Variants in CYB5R2 observed in about 807,000 individuals in gnomAD.
CYB5R2 encodes NADH-cytochrome b5 reductase 2.
CYB5R2 carries 35 observed loss-of-function variants against 29.8 expected under a neutral mutation model. The observed-to-expected ratio is 1.17, with a 90% confidence interval of 0.90 to 1.56. The LOEUF (loss-of-function observed/expected upper bound fraction) is 1.56. Ranked by LOEUF, CYB5R2 falls within the 40% of genes most tolerant of loss-of-function variation. The pLI is 0.00. For missense variants in CYB5R2, 419 were observed against 346.7 expected (o/e 1.21, Z -1.66); for synonymous variants, 169 against 130.6 (o/e 1.29, Z -2.01).
intron 6 of CYB5R2, among the ~76,000 whole-genome samples, 192 bp from the exon 7 acceptor site, chr11:7,668,005 T>C (rs1855436253): frequency 6.6e-6 from 1 of 152,246 alleles, no homozygotes; most frequent in Non-Finnish European, 1.5e-5. Flanking sequence ...AGGTAGTCTT[T>C]CTCATTTTCA....
At chr11:7,669,368 C>T (rs751552393) in intron 4 of CYB5R2, 34 bp from the exon 5 acceptor site, 2 of 1,587,456 alleles carry the variant, frequency 1.3e-6, no homozygotes, top group Non-Finnish European at 1.7e-6. Context: ...TTCACATTCC[C>T]AGACACAATG....
At chr11:7,665,608 C>G in intron 8 of CYB5R2, 62 bp from the exon 9 acceptor site, 1 of 1,507,792 alleles carries the variant, frequency 6.6e-7, no homozygotes, top group East Asian at 2.3e-5. Context: ...TGATCCCAGG[C>G]CGCCTGCACA....
chr11:7,673,155 C>T (rs567518761), intron 1 of CYB5R2: 11 of 409,376 alleles, frequency 2.7e-5, no homozygotes, highest in Admixed American at 1.5e-4. Context: ...CTGGGGTGCT[C>T]AGGTCACTAG....
intron 1 of CYB5R2, chr11:7,673,101 C>T (rs1855861878): frequency 2.0e-6 from 1 of 497,348 alleles, no homozygotes; most frequent in Non-Finnish European, 3.6e-6. Flanking sequence ...GCAGGTCACA[C>T]AGGAAGGATG....
Position 7,669,736 on chromosome 11 carries a change from A to G in CYB5R2, c.152-5T>C. ...CCAAGAGCTGGACATAGTTACCTAT[A>G]GAAAAGGCATCAAGCACTGAGTCAA... On this transcript the variant is annotated splice_region_variant and splice_polypyrimidine_tract_variant and intron_variant, in intron 3 of 8. Transcript: ENST00000299498. 3 of 1,605,368 alleles carry G rather than the reference A, an allele frequency of 1.9e-6. No homozygotes were observed. The highest frequency in any genetic ancestry group is 2.6e-6 in the Non-Finnish European group (3 of 1,171,952).
At position 7,666,052 on chromosome 11, in the gene CYB5R2, C is replaced by T. The variant is rs569708715; in HGVS notation, c.658+399G>A. The stretch of plus-strand genomic sequence containing the variant: ...GGGCTGCAGCAGCTGTCTGGGGGCT[C>T]AGCATGTCCAGGTGAGGTGGGCGGT... On this transcript the variant is annotated intron_variant, in intron 8 of 8. Coordinates refer to ENST00000299498, the MANE Select transcript of CYB5R2 (RefSeq NM_016229.5). The T allele has an allele frequency of 9.3e-6, 7 of 750,334 alleles. No individual in the cohort carries two copies. In the Admixed American group the frequency reaches 1.0e-4, roughly 11 times the overall value. 46.5% of individuals were successfully genotyped at this position (750,334 alleles called of 1,614,324 possible).
At chr11:7,668,927 G>GTATT (rs1855539210) in intron 5 of CYB5R2, 1 of 607,276 alleles carries the variant, frequency 1.6e-6, no homozygotes, top group East Asian at 3.0e-5. Flanking sequence ...CCATTTTTCA[G>GTATT]TATTAGCAGG....
At chr11:7,669,504 A>G (rs184836186) in intron 4 of CYB5R2, 121 bp downstream of exon 4, 21 of 1,204,298 alleles carry the variant, frequency 1.7e-5, no homozygotes, top group Non-Finnish European at 2.3e-5. Flanking sequence ...CTGTAGCTTC[A>G]CTGCTGGAAA....
intron 8 of CYB5R2, chr11:7,666,166 G>T: frequency 1.7e-6 from 1 of 600,238 alleles, no homozygotes; most frequent in South Asian, 2.0e-5. Flanking sequence ...TGTGGAATGG[G>T]TGGGTGTTCA....
At chr11:7,671,122 A>C (rs1275373452) in intron 3 of CYB5R2, 2 of 152,292 alleles carry the variant, frequency 1.3e-5, no homozygotes, top group Non-Finnish European at 2.9e-5. Flanking sequence ...AACAGGCTCA[A>C]TGACTCTGGT....
chr11:7,672,787 G>A lies in CYB5R2; in HGVS notation c.39C>T (p.Asp13=). ...SRRREPITLQ[D]PEAKYPLPLI... ...AGGGCAGCGGGTACTTGGCTTCAGG[G>A]TCCTGTAAGGTGATTGGCTCTCTCC... Residue 13 remains aspartate, a synonymous_variant, in exon 2 of 9, where the codon GAC becomes GAT. Transcript: ENST00000299498. 6.2e-7 allele frequency: 1 copy of A among 1,614,164 alleles called. No individual in the cohort carries two copies. The highest frequency in any genetic ancestry group is 8.5e-7 in the Non-Finnish European group (1 of 1,180,034).
intron 3 of CYB5R2, chr11:7,670,354 A>G (rs76903958): frequency 5.0e-5 from 2 of 40,274 alleles, no homozygotes; most frequent in African/African-American, 1.1e-4. Flanking sequence ...CCCTGTCTCA[A>G]AAAAAAAAAA....
Position 7,672,805 on chromosome 11 carries a change from C to T in CYB5R2, c.21G>A (p.Glu7=), listed in dbSNP as rs767148574. The part of the protein sequence containing the change: MNSRRR[E]PITLQDPEAK... The stretch of plus-strand genomic sequence containing the variant: ...CTTCAGGGTCCTGTAAGGTGATTGG[C>T]TCTCTCCTCCTGGAGTTCATGCTCT... The change falls in exon 2 of 9, where the codon GAG becomes GAA. Residue 7 remains glutamate (E), a synonymous_variant. Coordinates refer to ENST00000299498, the MANE Select transcript of CYB5R2 (RefSeq NM_016229.5). The T allele has an allele frequency of 6.2e-6, 10 of 1,614,152 alleles. No individual in the cohort carries two copies. The South Asian group carries it at 1.1e-4, about 18-fold the overall frequency.
intron 3 of CYB5R2, chr11:7,670,131 G>C (rs1270879086): frequency 5.2e-6 from 1 of 191,158 alleles, no homozygotes; most frequent in African/African-American, 2.4e-5. Context: ...CGGGTGGATT[G>C]CTTGAGCTCA....
At chr11:7,674,052 T>G (rs1855936868), upstream of CYB5R2, 4 of 1,187,934 alleles carry the variant, frequency 3.4e-6, no homozygotes, top group Middle Eastern at 3.9e-4. Flanking sequence ...GCTGCCCCTC[T>G]GCATCCTGGC....
rs780160716 is a variant in CYB5R2 at position 7,668,534 on chromosome 11, G to C, written c.416C>G (p.Thr139Arg). Reference sequence around the variant, plus strand: ...GGCCAGTGTTTTTTTAGGCTCACTCGTCTGGTCTGGTCTGATTCCAAGATT... The same window carrying C: ...GGCCAGTGTTTTTTTAGGCTCACTCCTCTGGTCTGGTCTGATTCCAAGATT... ...PGNLGIRPDQ[T>R]SEPKKTLADH... Residue 139 changes from threonine to arginine, a missense_variant, in exon 6 of 9, where the codon ACG becomes AGG. Coordinates refer to ENST00000299498, the MANE Select transcript of CYB5R2 (RefSeq NM_016229.5). 1.6e-5 allele frequency: 26 copies of C among 1,613,698 alleles called. No individual in the cohort carries two copies. The highest frequency in any genetic ancestry group is 1.2e-4 in the Admixed American group (7 of 59,978).
chr11:7,668,452 G>A (rs768950110), intron 6 of CYB5R2, 26 bp downstream of exon 6: 2 of 1,567,984 alleles, frequency 1.3e-6, no homozygotes, highest in African/African-American at 1.4e-5. Context: ...CTCACTCTCT[G>A]GATGGAGCCC....
Position 7,668,551 on chromosome 11 carries a change from T to G in CYB5R2, c.399A>C (p.Gly133=). 1 of 1,613,748 alleles carries G rather than the reference T, an allele frequency of 6.2e-7. No individual in the cohort carries two copies. The highest frequency in any genetic ancestry group is 8.5e-7 in the Non-Finnish European group (1 of 1,179,664). ...GCTCACTCGTCTGGTCTGGTCTGAT[T>G]CCAAGATTCCCTGGAAACACAGAGA... ...RLFYHGPGNL[G]IRPDQTSEPK... Residue 133 remains glycine (G), a synonymous_variant, in exon 6 of 9, where the codon GGA becomes GGC. Coordinates refer to ENST00000299498, the MANE Select transcript of CYB5R2 (RefSeq NM_016229.5).
At chr11:7,674,109 T>C, upstream of CYB5R2, 1 of 1,206,464 alleles carries the variant, frequency 8.3e-7, no homozygotes, top group South Asian at 1.5e-5. Context: ...CCCCTCAGCT[T>C]ACTTAAGCTC....
Sources: gnomAD v4.1 joint callset for allele counts (sites outside exome capture counted in the v4.1 genomes callset) on GRCh38, gnomAD v4.1.1 for gene constraint, MANE v1.5 for transcripts, NCBI Gene and HGNC (gene_info 2026-07-23, HGNC 2026-07-21) for gene names.